Variants in COL12A1 observed in about 807,000 individuals in gnomAD.
COL12A1 encodes the protein collagen type XII alpha 1 chain.
A neutral mutation model predicts 349.7 loss-of-function variants in COL12A1; 114 were observed. The observed-to-expected ratio is 0.33, with a 90% confidence interval of 0.28 to 0.38. The LOEUF (loss-of-function observed/expected upper bound fraction) is 0.38, where lower values mean the gene tolerates loss of function less well. Ranked by LOEUF, COL12A1 falls within the 10% of genes least tolerant of loss-of-function variation. COL12A1 has a pLI of 1.00. For synonymous variants in COL12A1, 1,369 were observed against 1,329.0 expected (o/e 1.03, Z -0.66); for missense variants, 3,284 against 3,756.9 (o/e 0.87, Z 3.29).
In COL12A1 at chr6:75,183,279, T is replaced by C; in HGVS notation, c.1662A>G (p.Ser554=). ...VMILITDGKS[S]DAFRDPAIKL... is the part of the protein sequence containing the mutation. ...TTATCGCAGGATCTCTGAAAGCATCTGATGATTTCCCATCCGTGATAAGAA... is the reference window on the plus strand; with the variant it reads ...TTATCGCAGGATCTCTGAAAGCATCCGATGATTTCCCATCCGTGATAAGAA... Residue 554 remains serine (S), a synonymous_variant, in exon 10 of 66, where the codon TCA becomes TCG. Coordinates refer to ENST00000322507, the MANE Select transcript of COL12A1 (RefSeq NM_004370.6). 1 of 1,614,212 alleles carries C rather than the reference T, an allele frequency of 6.2e-7. No individual in the cohort carries two copies.
At chr6:75,190,883 A>T (rs1769891679) in intron 5 of COL12A1, among the ~76,000 whole-genome samples, 1 of 151,926 alleles carries the variant, frequency 6.6e-6, no homozygotes, top group Non-Finnish European at 1.5e-5. Flanking sequence ...AATAAATAAT[A>T]ATTGTTGAAA....
At chr6:75,159,556 G>A (rs1582152219) in intron 14 of COL12A1, among the ~76,000 whole-genome samples, 1 of 150,966 alleles carries the variant, frequency 6.6e-6, no homozygotes, top group South Asian at 2.1e-4. Context: ...TAATCTATTT[G>A]GATTATTAGC....
At chr6:75,097,468 T>TAAAATTAA (rs1768104901) in intron 58 of COL12A1, among the ~76,000 whole-genome samples, 162 bp from the exon 59 acceptor site, 1 of 152,026 alleles carries the variant, frequency 6.6e-6, no homozygotes, top group Non-Finnish European at 1.5e-5. Flanking sequence ...GCAAAAAAAA[T>TAAAATTAA]AAAATTAAAA....
Position 75,090,222 on chromosome 6 carries a change from C to CG in COL12A1, c.8828dup (p.Pro2944AlafsTer9). 6.2e-7 allele frequency: 1 copy of CG among 1,614,020 alleles called. No homozygotes were observed. Among genetic ancestry groups the CG allele is most frequent in the Non-Finnish European group, 8.5e-7 (1 of 1,179,970 alleles). On this transcript the variant is annotated frameshift_variant, in exon 63 of 66. Transcript: ENST00000322507. LOFTEE classifies it high-confidence loss of function. This position sits in a 1 kb window ranked among gnomAD's most constrained non-coding sequence, Gnocchi z 4.1. ...TACCAGGAGGTCCCGGTGGACCCGGCGGGCCTGGCTGGTTGCGACTGGACT... is the reference window on the plus strand; with the variant it reads ...TACCAGGAGGTCCCGGTGGACCCGGCGGGGCCTGGCTGGTTGCGACTGGACT...
intron 46 of COL12A1, 89 bp from the exon 47 acceptor site, chr6:75,117,635 A>T: frequency 1.4e-6 from 2 of 1,424,794 alleles, no homozygotes; most frequent in Middle Eastern, 3.7e-4. Flanking sequence ...ATCAGAAATG[A>T]TGCTGTATTT....
rs1767402210 is a variant in COL12A1 at position 75,084,802 on chromosome 6, G to T, written c.*1745C>A. The T allele has an allele frequency of 1.3e-5, 2 of 155,648 alleles. No homozygotes were observed. Among genetic ancestry groups the T allele is most frequent in the Non-Finnish European group, 2.9e-5 (2 of 69,868 alleles). 9.6% of individuals were successfully genotyped at this position (155,648 alleles called of 1,614,324 possible). ...GAATTATTTGAATCGTGGTGTAATT[G>T]AATTGAAAATAAGTATAGCAAAAGA... On this transcript the variant is annotated 3_prime_UTR_variant, in exon 66 of 66. Transcript: ENST00000322507.
At position 75,087,565 on chromosome 6, in the gene COL12A1, G is replaced by C; in HGVS notation, c.9181+12C>G. ...CAGGTGAGTTGGGGTTCCTACAATGGCAACAACGTACCTGGATAGCCTTGC... is the reference window on the plus strand; with the variant it reads ...CAGGTGAGTTGGGGTTCCTACAATGCCAACAACGTACCTGGATAGCCTTGC... On this transcript the variant is annotated intron_variant, in intron 65 of 65. Transcript: ENST00000322507. 6.2e-7 allele frequency: 1 copy of C among 1,613,132 alleles called. No individual in the cohort carries two copies.
At position 75,188,377 on chromosome 6, in the gene COL12A1, C is replaced by T. The variant is rs370040853; in HGVS notation, c.982G>A (p.Val328Ile). 6.2e-7 allele frequency: 1 copy of T among 1,613,002 alleles called. No individual in the cohort carries two copies. The highest frequency in any genetic ancestry group is 1.3e-5 in the African/African-American group (1 of 74,856). The change falls in exon 8 of 66, where the codon GTT becomes ATT. Residue 328 changes from valine (V) to isoleucine (I), a missense_variant. Physicochemically the swap from Val to Ile is conservative, Grantham distance 29. This residue lies in a region of COL12A1 where 2,601 missense variants were observed against 2,824.8 expected (regional missense o/e 0.92). Coordinates refer to ENST00000322507, the MANE Select transcript of COL12A1 (RefSeq NM_004370.6). Reference protein sequence around the residue: ...SGVDEQLGELVSGEEVVEPPS... With the variant: ...SGVDEQLGELISGEEVVEPPS... ...GTCTACTCACCTTCTTCTCCACTAA[C>T]CAATTCACCAAGTTGTTCATCAACA...
chr6:75,201,578 G>A (rs1770528103), intron 2 of COL12A1, among the ~76,000 whole-genome samples: 3 of 151,556 alleles, frequency 2.0e-5, no homozygotes, highest in Admixed American at 1.3e-4. Context: ...CTGTCACTTG[G>A]CAGAAGTGTT....
At chr6:75,138,269 C>T (rs756225474) in intron 30 of COL12A1, 51 bp downstream of exon 30, 2 of 1,516,896 alleles carry the variant, frequency 1.3e-6, no homozygotes, top group African/African-American at 2.8e-5. Flanking sequence ...TTCATTTATA[C>T]ATTCATTCAT....
chr6:75,202,800 C>G lies in COL12A1; in HGVS notation c.-8G>C. The G allele has an allele frequency of 6.4e-7, 1 of 1,551,716 alleles. No individual in the cohort carries two copies. The highest frequency in any genetic ancestry group is 8.7e-7 in the Non-Finnish European group (1 of 1,146,950). On this transcript the variant is annotated 5_prime_UTR_variant, in exon 2 of 66. Transcript: ENST00000322507. ...GGGAAGCCTACTCCGCATCCTTGGC[C>G]TCCGAGCTTACAGCGGCATGAAGAG...
intron 11 of COL12A1, among the ~76,000 whole-genome samples, chr6:75,179,179 C>A (rs981396024): frequency 7.2e-5 from 11 of 152,162 alleles, no homozygotes; most frequent in Non-Finnish European, 1.3e-4. Context: ...TTCTTATCAA[C>A]TAAAGCAAAT....
chr6:75,126,176 T>C (rs1179017564), intron 39 of COL12A1, among the ~76,000 whole-genome samples, 175 bp downstream of exon 39: 1 of 152,140 alleles, frequency 6.6e-6, no homozygotes, highest in Admixed American at 6.6e-5. Flanking sequence ...ATAACAATGG[T>C]ACTTTAGATG....
At chr6:75,117,230 C>T (rs866463977) in intron 47 of COL12A1, 152 bp downstream of exon 47, 45 of 674,226 alleles carry the variant, frequency 6.7e-5, no homozygotes, top group African/African-American at 4.1e-4. Flanking sequence ...TTAGCATGAT[C>T]GCAATAGGAA....
In COL12A1 at chr6:75,175,179, G is replaced by C. The variant is rs201662983; in HGVS notation, c.2569C>G (p.Gln857Glu). 196 of 1,613,972 alleles carry C rather than the reference G, an allele frequency of 1.2e-4. No individual in the cohort carries two copies. Among genetic ancestry groups the C allele is most frequent in the Non-Finnish European group, 1.6e-4 (186 of 1,180,030 alleles). The change falls in exon 13 of 66, where the codon CAA (glutamine) becomes GAA (glutamate). Residue 857 changes from glutamine (Q) to glutamate (E), a missense_variant. Physicochemically the swap from Gln to Glu is conservative, Grantham distance 29. Transcript: ENST00000322507. ...TYTPVAGGETQEVTVRGDTTN... is the reference protein window; with the variant it reads ...TYTPVAGGETEEVTVRGDTTN... ...GTATCTCCCCTCACAGTGACCTCTT[G>C]AGTTTCACCCCCTGCCACTGGGGTA...
chr6:75,116,035 A>C lies in COL12A1; in HGVS notation c.7542T>G (p.Asp2514Glu). The C allele has an allele frequency of 6.2e-7, 1 of 1,613,442 alleles. No homozygotes were observed. The highest frequency in any genetic ancestry group is 1.1e-5 in the South Asian group (1 of 91,064). The change falls in exon 48 of 66, where the codon GAT (aspartate) becomes GAG (glutamate). Residue 2514 changes from aspartate to glutamate, a missense_variant. Asp to Glu is a conservative substitution (Grantham distance 45). This residue lies in a region of COL12A1 where 683 missense variants were observed against 932.1 expected (regional missense o/e 0.73). Transcript: ENST00000322507. Reference protein sequence around the residue: ...ATSSCPLIYLDGYTSPGFKML... With the variant: ...ATSSCPLIYLEGYTSPGFKML... ...AATGCTTACCTGGTGAGGTGTAGCC[A>C]TCCAAATAAATGAGAGGACAACCTG...
chr6:75,135,631 T>C (rs1766569500), intron 31 of COL12A1, among the ~76,000 whole-genome samples: 1 of 152,276 alleles, frequency 6.6e-6, no homozygotes, highest in Non-Finnish European at 1.5e-5. Flanking sequence ...CCAAAATGAG[T>C]GCACATGTAG....
At position 75,189,289 on chromosome 6, in the gene COL12A1, C is replaced by T. The variant is rs1474774331; in HGVS notation, c.751G>A (p.Gly251Arg). ...FPKVAIIITD[G>R]KSQDEVEIPA... ...ATTTCCACTTCATCCTGGGATTTTC[C>T]ATCCGTAATAATAATTGCCACTTTA... Residue 251 changes from glycine (G) to arginine (R), a missense_variant, in exon 7 of 66, where the codon GGA becomes AGA. Gly to Arg is a moderately radical substitution (Grantham distance 125). This residue lies in a region of COL12A1 where 2,601 missense variants were observed against 2,824.8 expected (regional missense o/e 0.92). Coordinates refer to ENST00000322507, the MANE Select transcript of COL12A1 (RefSeq NM_004370.6). 2 of 1,612,988 alleles carry T rather than the reference C, an allele frequency of 1.2e-6. No homozygotes were observed. The highest frequency in any genetic ancestry group is 1.7e-6 in the Non-Finnish European group (2 of 1,179,470).
chr6:75,187,590 T>C lies in COL12A1; in HGVS notation c.997+772A>G, dbSNP rs553844356. ...GATAGATTGAGAGCCCATGAAGTAA[T>C]GAGAGGTTCTGAGACAGAATTAGGG... On this transcript the variant is annotated intron_variant, in intron 8 of 65. Coordinates refer to ENST00000322507, the MANE Select transcript of COL12A1 (RefSeq NM_004370.6). Among the ~76,000 whole-genome samples, 4 of 152,188 alleles carry C rather than the reference T, an allele frequency of 2.6e-5. No individual in the cohort carries two copies. The South Asian group carries it at 6.2e-4, about 24-fold the overall frequency.
Sources: gnomAD v4.1 joint callset for allele counts (sites outside exome capture counted in the v4.1 genomes callset) on GRCh38, gnomAD v4.1.1 for gene constraint, gnomAD v4.1.1 regional missense constraint, Gnocchi (gnomAD v3.1) non-coding constraint, MANE v1.5 for transcripts, NCBI Gene and HGNC (gene_info 2026-07-23, HGNC 2026-07-21) for gene names.